Variants in ABI3BP observed in about 807,000 individuals in gnomAD.
ABI3BP encodes target of Nesh-SH3.
A neutral mutation model predicts 268.6 loss-of-function variants in ABI3BP; 216 were observed. The observed-to-expected ratio is 0.80, with a 90% CI of 0.72 to 0.90. ABI3BP has a LOEUF of 0.90. ABI3BP is among the 40% of genes least tolerant of loss of function. ABI3BP has a pLI of 0.00. For synonymous variants in ABI3BP, 730 were observed against 730.0 expected, an observed-to-expected ratio of 1.00 and a Z score of 0.00; for missense variants, 2,090 against 2,182.4, an observed-to-expected ratio of 0.96 and a Z score of 0.84.
chr3:100,948,032 T>A (rs1218998020), intron 1 of ABI3BP, among the ~76,000 whole-genome samples: 3 of 152,136 alleles, frequency 2.0e-5, no homozygotes, highest in Non-Finnish European at 4.4e-5. Context: ...AGGAATAGCA[T>A]GAGCAAAGGT....
Position 100,838,414 on chromosome 3 carries a change from G to A in ABI3BP, c.1996C>T (p.Gln666Ter), listed in dbSNP as rs1212612689. The A allele has an allele frequency of 1.3e-6, 2 of 1,535,850 alleles. No homozygotes were observed. The highest frequency in any genetic ancestry group is 2.0e-5 in the Admixed American group (1 of 50,992). ...AAGTAATGATTACCAGGCTGAATTT[G>A]AGGTGCATCTGGTCTGTGTGTGGTT... ...PKTTHRPDAPQIQPGSKPPKQ... is the reference protein window; with the variant it reads ...PKTTHRPDAP Residue 666 changes from glutamine to a stop codon, truncating the protein, a stop_gained, in exon 25 of 68, where the codon CAA (glutamine) becomes TAA (stop). Transcript: ENST00000471714. LOFTEE classifies it high-confidence loss of function.
chr3:100,932,912 A>G (rs1460872497), intron 1 of ABI3BP, among the ~76,000 whole-genome samples: 1 of 151,388 alleles, frequency 6.6e-6, no homozygotes, highest in Non-Finnish European at 1.5e-5. Context: ...CATGGTACTC[A>G]GTGAGACAAG....
intron 4 of ABI3BP, among the ~76,000 whole-genome samples, chr3:100,887,807 A>G (rs553981035): frequency 1.2e-4 from 19 of 152,032 alleles, no homozygotes; most frequent in Non-Finnish European, 2.5e-4. Flanking sequence ...TGTCAAGCCT[A>G]AGCTCTTGGT....
In ABI3BP at chr3:100,848,791, A is replaced by C. The variant is rs1414589188; in HGVS notation, c.1576+10T>G. The C allele has an allele frequency of 2.5e-6, 4 of 1,605,150 alleles. No homozygotes were observed. The South Asian group carries it at 4.4e-5, about 18-fold the overall frequency. On this transcript the variant is annotated intron_variant, in intron 18 of 67. Coordinates refer to ENST00000471714, the MANE Select transcript of ABI3BP (RefSeq NM_001375547.2). ...AATTACATATCATGTAAATATAAAG[A>C]GACATTTACCAGGTTTGGTTCTTGG...
At chr3:100,769,808 A>G (rs77922022) in intron 62 of ABI3BP, among the ~76,000 whole-genome samples, 109 of 152,358 alleles carry the variant, frequency 7.2e-4, no homozygotes, top group African/African-American at 2.4e-3. Flanking sequence ...AACAAAGGCT[A>G]GCTTTGCATG....
At chr3:100,760,882 GT>G (rs879270753) in intron 63 of ABI3BP, among the ~76,000 whole-genome samples, 6 of 151,444 alleles carry the variant, frequency 4.0e-5, no homozygotes, top group Non-Finnish European at 7.4e-5. Flanking sequence ...GGCAGAGAGG[GT>G]TTTTTTTTTA....
At chr3:100,947,120 G>A (rs1242422319) in intron 1 of ABI3BP, among the ~76,000 whole-genome samples, 2 of 152,000 alleles carry the variant, frequency 1.3e-5, no homozygotes, top group Admixed American at 1.3e-4. Flanking sequence ...AACATTTTGA[G>A]TCTAAAATGT....
chr3:100,771,824 G>A (rs775052690), intron 61 of ABI3BP, among the ~76,000 whole-genome samples: 15 of 151,972 alleles, frequency 9.9e-5, no homozygotes, highest in Non-Finnish European at 2.1e-4. Flanking sequence ...AGAAGCGGGT[G>A]AGCAGAAAAA....
chr3:100,818,817 G>A (rs776917848), intron 40 of ABI3BP, among the ~76,000 whole-genome samples: 8 of 152,146 alleles, frequency 5.3e-5, no homozygotes, highest in Non-Finnish European at 1.0e-4. Flanking sequence ...TCTCCTAGGT[G>A]TCTGAGTACT....
intron 48 of ABI3BP, among the ~76,000 whole-genome samples, chr3:100,810,716 A>G (rs72932513): frequency 1.3e-3 from 196 of 152,270 alleles, no homozygotes; most frequent in African/African-American, 4.6e-3. Context: ...CTCCTCAACA[A>G]TGCTACAAAG....
intron 1 of ABI3BP, among the ~76,000 whole-genome samples, chr3:100,974,840 A>G (rs917215148): frequency 1.2e-4 from 18 of 152,180 alleles, no homozygotes; most frequent in Non-Finnish European, 1.8e-4. Context: ...ATCTGAAAGT[A>G]ATGTCAAAAT....
intron 1 of ABI3BP, among the ~76,000 whole-genome samples, chr3:100,976,411 A>G (rs990738650): frequency 1.3e-5 from 2 of 152,184 alleles, no homozygotes; most frequent in Non-Finnish European, 2.9e-5. Context: ...CCTAAGAAAA[A>G]TAAAACTATT....
intron 38 of ABI3BP, among the ~76,000 whole-genome samples, chr3:100,821,416 G>C (rs2098219438): frequency 6.6e-6 from 1 of 152,006 alleles, no homozygotes; most frequent in Admixed American, 6.6e-5. Context: ...ATGATGAATT[G>C]AGTAGGATAT....
chr3:100,900,748 C>A (rs1240100419), intron 3 of ABI3BP, among the ~76,000 whole-genome samples: 1 of 152,050 alleles, frequency 6.6e-6, no homozygotes, highest in East Asian at 1.9e-4. Flanking sequence ...TTCCTAAATG[C>A]AGATAACAAA....
At chr3:100,871,643 A>G (rs1046497217) in intron 9 of ABI3BP, among the ~76,000 whole-genome samples, 1 of 152,152 alleles carries the variant, frequency 6.6e-6, no homozygotes, top group Non-Finnish European at 1.5e-5. Flanking sequence ...TCCATGTAAG[A>G]TATGACTTGC....
chr3:100,787,064 GAATGATAC>G (rs760334480), intron 57 of ABI3BP, among the ~76,000 whole-genome samples: 10 of 151,956 alleles, frequency 6.6e-5, no homozygotes, highest in Non-Finnish European at 1.0e-4. Flanking sequence ...TATTTAAAGG[GAATGATAC>G]AATTCTATGT....
rs559953736 is a variant in ABI3BP at position 100,788,886 on chromosome 3, T to C, written c.4087+568A>G. On this transcript the variant is annotated intron_variant, in intron 56 of 67. Coordinates refer to ENST00000471714, the MANE Select transcript of ABI3BP (RefSeq NM_001375547.2). ...CTTGTGCCTCAGCATAAGAGTGATT[T>C]ACATGAACTAGATCAACCCCTGCAA... 5.9e-5 allele frequency among the ~76,000 whole-genome samples: 9 copies of C among 152,256 alleles called. No individual in the cohort carries two copies. The South Asian group carries it at 1.7e-3, about 28-fold the overall frequency.
chr3:100,874,731 TAC>T, intron 9 of ABI3BP, 108 bp downstream of exon 9: 1 of 595,176 alleles, frequency 1.7e-6, no homozygotes, highest in African/African-American at 1.9e-5. Flanking sequence ...TCTACTTTTT[TAC>T]TTTGAGATCC....
At chr3:100,927,835 G>GTAAT (rs2062308130) in intron 1 of ABI3BP, among the ~76,000 whole-genome samples, 1 of 152,016 alleles carries the variant, frequency 6.6e-6, no homozygotes, top group Non-Finnish European at 1.5e-5. Flanking sequence ...AATGTAAATG[G>GTAAT]CACAACCTTA....
Sources: gnomAD v4.1 joint callset for allele counts (sites outside exome capture counted in the v4.1 genomes callset) on GRCh38, gnomAD v4.1.1 for gene constraint, MANE v1.5 for transcripts, NCBI Gene and HGNC (gene_info 2026-07-23, HGNC 2026-07-21) for gene names.